Variants in CIMAP3 observed in about 807,000 individuals in gnomAD.
CIMAP3 encodes the protein ciliary microtubule associated protein 3, also known as ciliary microtubule-associated protein 3.
chr1:111,347,366 A>G, the CIMAP3 span, among the ~76,000 whole-genome samples: 1 of 152,192 alleles, frequency 6.6e-6, no homozygotes, highest in African/African-American at 2.4e-5. Flanking sequence ...TGACAGTTGC[A>G]TTAGAGTAAG....
At chr1:111,330,675 G>A in the CIMAP3 span, among the ~76,000 whole-genome samples, 1 of 152,210 alleles carries the variant, frequency 6.6e-6, no homozygotes, top group Non-Finnish European at 1.5e-5. Flanking sequence ...CTGCAGCTCT[G>A]GGGTGATCTC....
chr1:111,339,156 C>G, the CIMAP3 span, among the ~76,000 whole-genome samples: 5 of 151,068 alleles, frequency 3.3e-5, no homozygotes, highest in South Asian at 2.1e-4. Flanking sequence ...ATTCAAAAAC[C>G]CTTCATGCTA....
At chr1:111,325,695 T>C in the CIMAP3 span, among the ~76,000 whole-genome samples, 6 of 152,286 alleles carry the variant, frequency 3.9e-5, no homozygotes, top group South Asian at 2.1e-4. Context: ...CAAAATAATA[T>C]GGATTTCAGT....
At chr1:111,349,486 A>G in the CIMAP3 span, 1 of 152,528 alleles carries the variant, frequency 6.6e-6, no homozygotes, top group East Asian at 1.9e-4. Context: ...CAAAAGATCA[A>G]GGACTTTCTT....
the CIMAP3 span, among the ~76,000 whole-genome samples, chr1:111,338,260 G>C: frequency 5.9e-5 from 9 of 151,906 alleles, no homozygotes; most frequent in Non-Finnish European, 1.0e-4. Flanking sequence ...ATCCAAAATT[G>C]ACACCCTAAC....
chr1:111,336,400 G>A, the CIMAP3 span, among the ~76,000 whole-genome samples: 2 of 151,864 alleles, frequency 1.3e-5, no homozygotes. Flanking sequence ...ATCAAACTAC[G>A]AGCTACAGGA....
the CIMAP3 span, chr1:111,346,835 A>T: frequency 0.12 from 191,362 of 1,585,548 alleles, 12,363 homozygotes; most frequent in Non-Finnish European, 0.13. Flanking sequence ...AGTCTCCCCG[A>T]CCTTCCCCTC....
At chr1:111,326,470 C>T in the CIMAP3 span, among the ~76,000 whole-genome samples, 9 of 152,128 alleles carry the variant, frequency 5.9e-5, no homozygotes, top group South Asian at 4.1e-4. Flanking sequence ...CTACAAGTGA[C>T]GTGATTTCAC....
chr1:111,347,275 C>T, the CIMAP3 span, among the ~76,000 whole-genome samples: 8 of 152,196 alleles, frequency 5.3e-5, no homozygotes, highest in African/African-American at 1.9e-4. Context: ...GCCCTAGCTT[C>T]ATAAAATCCC....
chr1:111,339,968 C>A, the CIMAP3 span, among the ~76,000 whole-genome samples: 19,123 of 150,388 alleles, frequency 0.13, 1,423 homozygotes, highest in African/African-American at 0.16. Flanking sequence ...CTACAAGGCT[C>A]CAGTAACCAA....
the CIMAP3 span, chr1:111,351,411 A>T: frequency 8.3e-7 from 1 of 1,211,586 alleles, no homozygotes; most frequent in African/African-American, 1.6e-5. Flanking sequence ...CTTCTACGTT[A>T]CTGTGGCCCT....
the CIMAP3 span, chr1:111,347,639 G>GTTTTTT: frequency 2.8e-6 from 3 of 1,073,976 alleles, no homozygotes; most frequent in South Asian, 1.9e-5. Context: ...TTTTTTTTTG[G>GTTTTTT]TGTTTTTGTT....
chr1:111,329,516 C>CATATATAT, the CIMAP3 span, among the ~76,000 whole-genome samples: 797 of 105,936 alleles, frequency 7.5e-3, 6 homozygotes, highest in East Asian at 0.012. Flanking sequence ...CACATAAACC[C>CATATATAT]ATATATATAT....
the CIMAP3 span, among the ~76,000 whole-genome samples, chr1:111,345,380 T>C: frequency 0.01 from 1,555 of 152,344 alleles, 31 homozygotes; most frequent in African/African-American, 0.036. Context: ...TGTTAATGTA[T>C]ATAACTACTA....
the CIMAP3 span, among the ~76,000 whole-genome samples, chr1:111,334,561 T>C: frequency 6.6e-6 from 1 of 152,190 alleles, no homozygotes. Context: ...AACCAGTAAC[T>C]GACCCTACTG....
the CIMAP3 span, chr1:111,352,647 T>A: frequency 3.3e-5 from 5 of 152,264 alleles, no homozygotes; most frequent in Admixed American, 2.0e-4. Flanking sequence ...TATCAAGAAG[T>A]ATTTATGACT....
chr1:111,329,557 A>G, the CIMAP3 span, among the ~76,000 whole-genome samples: 1 of 85,072 alleles, frequency 1.2e-5, no homozygotes, highest in African/African-American at 4.3e-5. Flanking sequence ...ATATATATAT[A>G]TAATTTTTTT....
the CIMAP3 span, chr1:111,348,625 C>A: frequency 6.2e-7 from 1 of 1,604,776 alleles, no homozygotes; most frequent in South Asian, 1.1e-5. Context: ...AAGAACTACC[C>A]AAAGGACACT....
chr1:111,346,639 C>A, the CIMAP3 span: 1 of 1,614,178 alleles, frequency 6.2e-7, no homozygotes, highest in East Asian at 2.2e-5. Flanking sequence ...AAGTGCTAGC[C>A]CTAGCAGCTC....
Sources: gnomAD v4.1 joint callset for allele counts (sites outside exome capture counted in the v4.1 genomes callset) on GRCh38, gnomAD v4.1.1 for gene constraint, MANE v1.5 for transcripts, NCBI Gene and HGNC (gene_info 2026-07-23, HGNC 2026-07-21) for gene names.